USP26: variants seen among roughly 807,000 people sequenced by gnomAD.
The protein encoded by USP26 is ubiquitin specific peptidase 26, also known as ubiquitin carboxyl-terminal hydrolase 26.
For missense variants in USP26, 649 were observed against 642.3 expected (o/e 1.01, Z -0.11); for synonymous variants, 236 against 240.6 (o/e 0.98, Z 0.18).
intron 5 of USP26, among the ~76,000 whole-genome samples, chrX:133,039,460 G>A (rs1263096595): frequency 8.9e-6 from 1 of 112,034 alleles, no homozygotes; most frequent in Non-Finnish European, 1.9e-5. Context: ...CTGTTTCCAT[G>A]CAGTTGTGTG....
At chrX:133,092,036 C>T (rs1035666482) in intron 1 of USP26, among the ~76,000 whole-genome samples, 3 of 111,490 alleles carry the variant, frequency 2.7e-5, no homozygotes, top group Non-Finnish European at 3.8e-5. Flanking sequence ...GGAACACTTC[C>T]TTTTCCACTT....
At chrX:133,058,109 C>T (rs768051055) in intron 5 of USP26, among the ~76,000 whole-genome samples, 3 of 104,595 alleles carry the variant, frequency 2.9e-5, no homozygotes, top group African/African-American at 1.0e-4. Context: ...TCTCGATCTC[C>T]TGACCTCTTG....
chrX:133,030,796 C>T (rs758681410), intron 5 of USP26, among the ~76,000 whole-genome samples: 21 of 111,842 alleles, frequency 1.9e-4, no homozygotes, highest in African/African-American at 3.6e-4. Context: ...AATAAGAAAA[C>T]GAGACAAAAA....
intron 5 of USP26, among the ~76,000 whole-genome samples, chrX:133,058,110 T>C (rs750925179): frequency 1.8e-4 from 19 of 104,896 alleles, no homozygotes; most frequent in South Asian, 4.6e-4. Flanking sequence ...CTCGATCTCC[T>C]GACCTCTTGA....
intron 5 of USP26, among the ~76,000 whole-genome samples, chrX:133,080,722 T>C (rs769531698): frequency 9.0e-6 from 1 of 111,305 alleles, no homozygotes; most frequent in Admixed American, 9.6e-5. Context: ...ATCACCAATA[T>C]CCCAACTTTG....
chrX:133,041,840 T>C (rs1001111728), intron 5 of USP26, among the ~76,000 whole-genome samples: 1 of 112,160 alleles, frequency 8.9e-6, no homozygotes, highest in African/African-American at 3.2e-5. Flanking sequence ...TGCTCTGTCC[T>C]AGGGAGATGA....
intron 5 of USP26, among the ~76,000 whole-genome samples, chrX:133,035,672 G>A (rs1373579729): frequency 9.0e-6 from 1 of 111,039 alleles, no homozygotes; most frequent in Non-Finnish European, 1.9e-5. Context: ...GCATTTCTTA[G>A]GCTTTTTCTC....
rs1325228358 is a variant in USP26, at chrX:133,025,757, G to T, written c.2464C>A (p.His822Asn). 8.3e-7 allele frequency: 1 copy of T among 1,209,570 alleles called. No homozygotes were observed. Among genetic ancestry groups the T allele is most frequent in the South Asian group, 1.8e-5 (1 of 56,927 alleles). The change falls in exon 6 of 6, where the codon CAT becomes AAT. Residue 822 changes from histidine (H) to asparagine (N), a missense_variant. Coordinates refer to ENST00000511190, the MANE Select transcript of USP26 (RefSeq NM_031907.3). ...ACAACACTAATGAGCCGGTAGGTAT[G>T]ATCTCCCTTATCATCATTTCTTTTT... is the stretch of plus-strand genomic sequence containing the variant. ...ETKRNDDKGD[H>N]TYRLISVVSH...
intron 1 of USP26, among the ~76,000 whole-genome samples, chrX:133,093,302 A>C (rs1424062817): frequency 9.0e-6 from 1 of 111,031 alleles, no homozygotes; most frequent in African/African-American, 3.3e-5. Context: ...AAAAAACAAA[A>C]AGTAAAATTA....
intron 5 of USP26, among the ~76,000 whole-genome samples, chrX:133,051,740 G>T (rs1283747635): frequency 8.9e-6 from 1 of 111,959 alleles, no homozygotes; most frequent in Non-Finnish European, 1.9e-5. Context: ...ACTCTTATTT[G>T]ATTAAGAGCC....
Position 133,024,294 on chromosome X carries a change from A to T in USP26, c.*1185T>A, listed in dbSNP as rs1408950880. 9.0e-6 allele frequency among the ~76,000 whole-genome samples: 1 copy of T among 110,963 alleles called. No homozygotes were observed. Among genetic ancestry groups the T allele is most frequent in the Non-Finnish European group, 1.9e-5 (1 of 52,948 alleles). On this transcript the variant is annotated 3_prime_UTR_variant, in exon 6 of 6. Coordinates refer to ENST00000511190, the MANE Select transcript of USP26 (RefSeq NM_031907.3). ...ACAGAGATGTAAAAAAAAAAAAAAAATCTGGAATTAGTCATGTAATGTTGA... is the reference window on the plus strand; with the variant it reads ...ACAGAGATGTAAAAAAAAAAAAAAATTCTGGAATTAGTCATGTAATGTTGA...
intron 1 of USP26, 83 bp from the exon 2 acceptor site, chrX:133,091,526 CTAAGTT>C (rs1315271579): frequency 8.9e-6 from 1 of 112,119 alleles, no homozygotes; most frequent in Non-Finnish European, 1.9e-5. Flanking sequence ...TCAGAACAGT[CTAAGTT>C]TGTCAATGTC....
intron 5 of USP26, among the ~76,000 whole-genome samples, chrX:133,043,978 A>G (rs1433920829): frequency 8.9e-6 from 1 of 112,357 alleles, no homozygotes; most frequent in Non-Finnish European, 1.9e-5. Context: ...AAAAGAAGTA[A>G]GTCCACAAGT....
In USP26 at chrX:133,025,535, C is replaced by T; in HGVS notation, c.2686G>A (p.Glu896Lys). 1 of 1,211,389 alleles carries T rather than the reference C, an allele frequency of 8.3e-7. No homozygotes were observed. Among genetic ancestry groups the T allele is most frequent in the Non-Finnish European group, 1.1e-6 (1 of 895,376 alleles). The change falls in exon 6 of 6, where the codon GAA becomes AAA. Residue 896 changes from glutamate (E) to lysine (K), a missense_variant. By Grantham distance (56) the Glu-to-Lys change is moderately conservative. Coordinates refer to ENST00000511190, the MANE Select transcript of USP26 (RefSeq NM_031907.3). ...NEIFEEMLKR[E>K]ENAQLNSKEV... The stretch of plus-strand genomic sequence containing the variant: ...TTGCTATTAAGCTGGGCATTCTCTT[C>T]TCTTTTCAACATCTCTTCAAAGATC...
At position 133,041,094 on chromosome X, in the gene USP26, C is replaced by T. The variant is rs750066149; in HGVS notation, c.-76-12798G>A. 4.5e-5 allele frequency among the ~76,000 whole-genome samples: 5 copies of T among 110,776 alleles called. 1 individual carries two copies. The highest frequency in any genetic ancestry group is 1.6e-4 in the African/African-American group (5 of 30,454). ...TTATTCTAGTTAGCAGTTCTTGTAA[C>T]TTTTTATCAAGGTTCTTCGCTTCCT... On this transcript the variant is annotated intron_variant, in intron 5 of 5. Coordinates refer to ENST00000511190, the MANE Select transcript of USP26 (RefSeq NM_031907.3).
intron 5 of USP26, among the ~76,000 whole-genome samples, chrX:133,063,573 T>C (rs2067500867): frequency 9.0e-6 from 1 of 111,372 alleles, no homozygotes; most frequent in Non-Finnish European, 1.9e-5. Context: ...AGGGCCAATA[T>C]TCAACATACT....
chrX:133,046,338 A>G (rs749679349), intron 5 of USP26, among the ~76,000 whole-genome samples: 1 of 112,226 alleles, frequency 8.9e-6, no homozygotes, highest in African/African-American at 3.2e-5. Flanking sequence ...ATGAACTTGA[A>G]AATGTATTAA....
At chrX:133,036,939 C>CAA (rs770228414) in intron 5 of USP26, among the ~76,000 whole-genome samples, 5 of 112,736 alleles carry the variant, frequency 4.4e-5, no homozygotes, top group Non-Finnish European at 9.4e-5. Context: ...TGATGACAAG[C>CAA]TTTTATTCAT....
rs186338709 is a variant in USP26 at position 133,059,065 on chromosome X, C to T, written c.-77+24642G>A. On this transcript the variant is annotated intron_variant, in intron 5 of 5. Transcript: ENST00000511190. ...CTGACCTCAAGTGATCCACCTGCCT[C>T]GGCCTCCCAAAATGCTGAGATTACA... Among the ~76,000 whole-genome samples the T allele has an allele frequency of 7.6e-4, 84 of 111,110 alleles. 1 individual carries two copies. Among genetic ancestry groups the T allele is most frequent in the African/African-American group, 2.3e-3 (71 of 30,569 alleles).
Sources: allele counts gnomAD v4.1 joint callset (sites outside exome capture counted in the v4.1 genomes callset), GRCh38; gene constraint gnomAD v4.1.1; transcripts MANE v1.5; gene names NCBI Gene and HGNC (gene_info 2026-07-23, HGNC 2026-07-21).